The following IFT80 variants were observed in gnomAD, a reference collection of about 807,000 sequenced individuals.
IFT80 encodes intraflagellar transport protein 80 homolog.
IFT80 carries 79 observed loss-of-function variants against 107.9 expected under a neutral mutation model. That is an observed-to-expected ratio of 0.73 (90% CI 0.61 to 0.88). The LOEUF (loss-of-function observed/expected upper bound fraction) is 0.88, where lower values mean the gene tolerates loss of function less well. Ranked by LOEUF, IFT80 falls within the 40% of genes least tolerant of loss-of-function variation. The probability of loss-of-function intolerance (pLI) is 0.00; values close to 1 mark genes in which losing one functional copy is unlikely to be tolerated. For synonymous variants in IFT80, 299 were observed against 300.9 expected, an observed-to-expected ratio of 0.99 and a Z score of 0.07; for missense variants, 797 against 914.2, an observed-to-expected ratio of 0.87 and a Z score of 1.65.
intron 5 of IFT80, among the ~76,000 whole-genome samples, chr3:160,371,546 G>A (rs1269354477): frequency 1.3e-5 from 2 of 152,154 alleles, no homozygotes; most frequent in African/African-American, 4.8e-5. Flanking sequence ...GGGCTCAGAT[G>A]ATCCTCTCAC....
intron 19 of IFT80, among the ~76,000 whole-genome samples, chr3:160,262,018 TTC>T (rs559522816): frequency 5.1e-4 from 77 of 152,292 alleles, no homozygotes; most frequent in African/African-American, 1.8e-3. Context: ...GCTTCTTTCT[TTC>T]TCTCTCTTTT....
chr3:160,316,781 TA>T, intron 9 of IFT80, among the ~76,000 whole-genome samples: 1 of 151,964 alleles, frequency 6.6e-6, no homozygotes, highest in Non-Finnish European at 1.5e-5. Flanking sequence ...CTGGAATTAC[TA>T]GGGAAAAAAA....
intron 3 of IFT80, among the ~76,000 whole-genome samples, chr3:160,378,230 T>A (rs936021514): frequency 1.3e-4 from 19 of 151,436 alleles, no homozygotes; most frequent in African/African-American, 4.6e-4. Flanking sequence ...TCCAGCTTTT[T>A]TATAGCCTAT....
At chr3:160,334,867 A>C (rs1256277352) in intron 8 of IFT80, among the ~76,000 whole-genome samples, 2 of 150,250 alleles carry the variant, frequency 1.3e-5, no homozygotes, top group Non-Finnish European at 1.5e-5. Flanking sequence ...CCACATTCAT[A>C]TTTTAGATTT....
intron 8 of IFT80, among the ~76,000 whole-genome samples, chr3:160,355,692 G>GA (rs956307574): frequency 6.0e-5 from 9 of 151,006 alleles, no homozygotes; most frequent in African/African-American, 2.2e-4. Context: ...TGAAAGGTTA[G>GA]AAAAAAAAAG....
At chr3:160,348,071 A>C (rs932794250) in intron 8 of IFT80, among the ~76,000 whole-genome samples, 8 of 152,202 alleles carry the variant, frequency 5.3e-5, no homozygotes, top group Non-Finnish European at 8.8e-5. Context: ...GTTTTAGGTC[A>C]TTATTAATCT....
At chr3:160,324,368 C>G (rs1424191250) in intron 8 of IFT80, among the ~76,000 whole-genome samples, 1 of 152,020 alleles carries the variant, frequency 6.6e-6, no homozygotes, top group Non-Finnish European at 1.5e-5. Flanking sequence ...AACATTGATG[C>G]AAAAATCCTC....
chr3:160,268,659 C>T, intron 18 of IFT80, 123 bp from the exon 19 acceptor site: 3 of 916,250 alleles, frequency 3.3e-6, no homozygotes, highest in Non-Finnish European at 5.2e-6. Context: ...ATATGAAATA[C>T]CATTTTCTAC....
At chr3:160,276,453 G>A (rs1043637571) in intron 18 of IFT80, among the ~76,000 whole-genome samples, 2 of 152,074 alleles carry the variant, frequency 1.3e-5, no homozygotes, top group African/African-American at 4.8e-5. Flanking sequence ...AGATACAGGG[G>A]TTATTTTTCA....
chr3:160,304,260 G>C (rs112648901), intron 10 of IFT80, among the ~76,000 whole-genome samples: 1 of 152,222 alleles, frequency 6.6e-6, no homozygotes, highest in African/African-American at 2.4e-5. Context: ...TGCGAACTGA[G>C]GAATTCTAAG....
intron 13 of IFT80, among the ~76,000 whole-genome samples, chr3:160,285,113 T>C (rs1559918979): frequency 6.6e-6 from 1 of 151,872 alleles, no homozygotes; most frequent in Non-Finnish European, 1.5e-5. Flanking sequence ...CTGAGGCGAG[T>C]GGATTGCTTG....
intron 15 of IFT80, 133 bp downstream of exon 15, chr3:160,280,534 C>A (rs1436181787): frequency 5.5e-6 from 4 of 728,430 alleles, no homozygotes; most frequent in South Asian, 1.7e-5. Flanking sequence ...TAGCTTTAGC[C>A]GAACAATTTA....
intron 12 of IFT80, among the ~76,000 whole-genome samples, chr3:160,287,897 G>C (rs1417383793): frequency 2.0e-5 from 3 of 152,168 alleles, no homozygotes; most frequent in Non-Finnish European, 4.4e-5. Flanking sequence ...TCAAGGAACA[G>C]GCACTAGCCT....
At chr3:160,317,823 A>AG (rs1324753254) in intron 9 of IFT80, among the ~76,000 whole-genome samples, 1 of 152,068 alleles carries the variant, frequency 6.6e-6, no homozygotes, top group Non-Finnish European at 1.5e-5. Flanking sequence ...AAACAGAGAT[A>AG]GAAGGGGACT....
At chr3:160,317,614 T>A (rs192857659) in intron 9 of IFT80, among the ~76,000 whole-genome samples, 2 of 152,240 alleles carry the variant, frequency 1.3e-5, no homozygotes, top group Admixed American at 6.6e-5. Flanking sequence ...TACAGAATAT[T>A]ATAATGGTTT....
chr3:160,312,601 A>T (rs565856133), intron 9 of IFT80, among the ~76,000 whole-genome samples: 16 of 84,148 alleles, frequency 1.9e-4, no homozygotes, highest in African/African-American at 7.4e-4. Flanking sequence ...TAATAAATAT[A>T]TATTATATAT....
chr3:160,341,016 C>T (rs1719853562), intron 8 of IFT80, among the ~76,000 whole-genome samples: 1 of 149,506 alleles, frequency 6.7e-6, no homozygotes, highest in African/African-American at 2.5e-5. Context: ...TTTTTACTAC[C>T]TTTTTTTTTT....
In IFT80 at chr3:160,280,771, G is replaced by A. The variant is rs572926587; in HGVS notation, c.1560C>T (p.Ile520=). The A allele has an allele frequency of 1.1e-5, 17 of 1,613,022 alleles. No homozygotes were observed. Among genetic ancestry groups the A allele is most frequent in the Middle Eastern group, 1.7e-4 (1 of 6,054 alleles). The part of the protein sequence containing the change: ...HTLAWNDTCN[I]LCGLQDTRFI... ...ATCGAGTATCTTGAAGTCCACAAAG[G>A]ATATTGCATGTATCGTTCCATGCCA... The change falls in exon 15 of 20, where the codon ATC becomes ATT. Residue 520 remains isoleucine (I), a synonymous_variant. Coordinates refer to ENST00000326448, the MANE Select transcript of IFT80 (RefSeq NM_020800.3).
intron 8 of IFT80, among the ~76,000 whole-genome samples, chr3:160,324,769 G>A (rs1559940500): frequency 6.6e-6 from 1 of 152,150 alleles, no homozygotes; most frequent in South Asian, 2.1e-4. Flanking sequence ...AGTGTTGGAA[G>A]TTCTGGTCAG....
Sources: allele counts gnomAD v4.1 joint callset (sites outside exome capture counted in the v4.1 genomes callset), GRCh38; gene constraint gnomAD v4.1.1; transcripts MANE v1.5; gene names NCBI Gene and HGNC (gene_info 2026-07-23, HGNC 2026-07-21).